ROBO1: variants seen among roughly 807,000 people sequenced by gnomAD.
ROBO1 encodes the protein roundabout guidance receptor 1, also known as roundabout homolog 1.
In ROBO1, 149 loss-of-function variants were observed where a neutral mutation model predicts 195.9. The ratio of observed to expected loss-of-function variants is 0.76; its 90% CI spans 0.67 to 0.87. The LOEUF is 0.87. Among genes scored for constraint, ROBO1 ranks in the 40% least tolerant of loss-of-function variants. The pLI is 0.00. For synonymous variants in ROBO1, 816 were observed against 733.2 expected, an observed-to-expected ratio of 1.11 and a Z score of -1.82; for missense variants, 1,933 against 2,068.3, an observed-to-expected ratio of 0.93 and a Z score of 1.27.
chr3:78,748,016 C>T (rs1913250), intron 4 of ROBO1, among the ~76,000 whole-genome samples: 9,960 of 152,202 alleles, frequency 0.065, 480 homozygotes, highest in Admixed American at 0.13. Context: ...ATCATTCCTC[C>T]ACCCTGCTTT....
At chr3:79,361,479 A>G (rs1426041392) in intron 2 of ROBO1, among the ~76,000 whole-genome samples, 1 of 152,076 alleles carries the variant, frequency 6.6e-6, no homozygotes, top group African/African-American at 2.4e-5. Flanking sequence ...TAATATTTTA[A>G]GCTCACGATT....
intron 1 of ROBO1, among the ~76,000 whole-genome samples, chr3:79,755,655 A>G (rs1450283372): frequency 6.9e-6 from 1 of 144,116 alleles, no homozygotes; most frequent in African/African-American, 2.5e-5. Flanking sequence ...GTGAATCATT[A>G]TAATAAGAAG....
At chr3:79,203,740 C>T (rs906441464) in intron 2 of ROBO1, among the ~76,000 whole-genome samples, 4 of 152,132 alleles carry the variant, frequency 2.6e-5, no homozygotes, top group Non-Finnish European at 5.9e-5. Flanking sequence ...TAACAGTTCA[C>T]GATTTGCATT....
intron 2 of ROBO1, among the ~76,000 whole-genome samples, chr3:79,467,832 A>G (rs916555566): frequency 2.0e-5 from 3 of 152,172 alleles, no homozygotes; most frequent in African/African-American, 7.2e-5. Context: ...GTGGGGCTAG[A>G]GCCTGAAAGC....
At chr3:78,624,023 T>C (rs1420888994) in intron 26 of ROBO1, among the ~76,000 whole-genome samples, 2 of 152,130 alleles carry the variant, frequency 1.3e-5, no homozygotes, top group Non-Finnish European at 2.9e-5. Flanking sequence ...TCAAAAAAGG[T>C]AGATACAATT....
intron 3 of ROBO1, among the ~76,000 whole-genome samples, chr3:79,100,833 A>G (rs189502412): frequency 2.6e-5 from 4 of 151,930 alleles, no homozygotes; most frequent in African/African-American, 9.6e-5. Flanking sequence ...TGAACTCTTA[A>G]TTAACAGATG....
chr3:78,668,376 T>C, intron 12 of ROBO1, 74 bp from the exon 13 acceptor site: 1 of 1,590,918 alleles, frequency 6.3e-7, no homozygotes. Context: ...GCAGATAACA[T>C]ATTCATACAC....
At chr3:78,756,930 G>A (rs1333077081) in intron 4 of ROBO1, among the ~76,000 whole-genome samples, 1 of 151,828 alleles carries the variant, frequency 6.6e-6, no homozygotes, top group Non-Finnish European at 1.5e-5. Context: ...TGTCACCCAG[G>A]CTGAAATGCA....
chr3:79,411,377 T>C (rs1334745944), intron 2 of ROBO1, among the ~76,000 whole-genome samples: 7 of 152,162 alleles, frequency 4.6e-5, no homozygotes, highest in Non-Finnish European at 7.3e-5. Flanking sequence ...TGCATTTCCA[T>C]ACAAAGTGAA....
chr3:78,846,208 C>A (rs1463098256), intron 4 of ROBO1, among the ~76,000 whole-genome samples: 2 of 152,052 alleles, frequency 1.3e-5, no homozygotes, highest in Non-Finnish European at 2.9e-5. Flanking sequence ...ATAGTCAGTA[C>A]AAGTGAAGTT....
intron 2 of ROBO1, among the ~76,000 whole-genome samples, chr3:79,240,829 G>C (rs2082499996): frequency 6.6e-6 from 1 of 151,888 alleles, no homozygotes; most frequent in Admixed American, 6.6e-5. Flanking sequence ...TTTTTGTAGA[G>C]ATGGGATTTT....
intron 2 of ROBO1, among the ~76,000 whole-genome samples, chr3:79,502,619 G>A (rs1940152050): frequency 6.6e-6 from 1 of 152,170 alleles, no homozygotes; most frequent in Non-Finnish European, 1.5e-5. Context: ...GCACAGCGCG[G>A]GACTGGCGGG....
intron 2 of ROBO1, among the ~76,000 whole-genome samples, chr3:79,515,873 C>A (rs1201161936): frequency 6.6e-6 from 1 of 152,112 alleles, no homozygotes; most frequent in Non-Finnish European, 1.5e-5. Flanking sequence ...ATATTCACAT[C>A]TTTTGCAACT....
At chr3:78,644,389 T>C (rs529175647) in intron 21 of ROBO1, among the ~76,000 whole-genome samples, 1 of 152,252 alleles carries the variant, frequency 6.6e-6, no homozygotes, top group Admixed American at 6.6e-5. Flanking sequence ...CTAGCACCTG[T>C]CACATAGTAA....
At chr3:79,287,946 G>C (rs1298605924) in intron 2 of ROBO1, among the ~76,000 whole-genome samples, 4 of 151,886 alleles carry the variant, frequency 2.6e-5, no homozygotes, top group Non-Finnish European at 5.9e-5. Flanking sequence ...GGACATAAAT[G>C]AGAACACCCT....
chr3:79,718,391 A>AT (rs1196967601), intron 1 of ROBO1, among the ~76,000 whole-genome samples: 5 of 152,000 alleles, frequency 3.3e-5, no homozygotes, highest in Admixed American at 1.3e-4. Flanking sequence ...GCTTTATGAC[A>AT]TTTTTTGCAT....
At chr3:78,899,518 A>C (rs1405616143) in intron 4 of ROBO1, among the ~76,000 whole-genome samples, 1 of 152,188 alleles carries the variant, frequency 6.6e-6, no homozygotes. Context: ...GTGTTAGGCA[A>C]TGTCTAGAAA....
chr3:78,690,908 C>T (rs1008103483), intron 8 of ROBO1, among the ~76,000 whole-genome samples: 9 of 152,044 alleles, frequency 5.9e-5, no homozygotes, highest in East Asian at 1.9e-4. Flanking sequence ...CTCCTCAAAC[C>T]TCAAAGACTT....
intron 2 of ROBO1, among the ~76,000 whole-genome samples, chr3:79,137,596 T>G (rs558131138): frequency 1.3e-5 from 2 of 152,084 alleles, no homozygotes; most frequent in Non-Finnish European, 2.9e-5. Flanking sequence ...TGTTCTTATG[T>G]AATGCTTACA....
Sources: allele counts gnomAD v4.1 joint callset (sites outside exome capture counted in the v4.1 genomes callset), GRCh38; gene constraint gnomAD v4.1.1; transcripts MANE v1.5; gene names NCBI Gene and HGNC (gene_info 2026-07-23, HGNC 2026-07-21).